FSTL5: variants seen among roughly 807,000 people sequenced by gnomAD.
The protein encoded by FSTL5 is follistatin-related protein 5.
Under a neutral mutation model 89.1 loss-of-function variants are expected in FSTL5, and 62 were observed. The observed-to-expected ratio is 0.70, with a 90% CI of 0.57 to 0.86. The LOEUF is 0.86. FSTL5 is among the 40% of genes least tolerant of loss of function. FSTL5 has a pLI of 0.00. For synonymous variants in FSTL5, 383 were observed against 346.2 expected, an observed-to-expected ratio of 1.11 and a Z score of -1.18; for missense variants, 1,057 against 1,001.6, an observed-to-expected ratio of 1.06 and a Z score of -0.75.
At chr4:162,068,188 T>C (rs934992154) in intron 2 of FSTL5, among the ~76,000 whole-genome samples, 90 of 152,204 alleles carry the variant, frequency 5.9e-4, no homozygotes, top group African/African-American at 2.1e-3. Flanking sequence ...CTTCACAGAA[T>C]TAGAAAAAAC....
intron 15 of FSTL5, among the ~76,000 whole-genome samples, chr4:161,417,958 A>G (rs1216271686): frequency 6.6e-6 from 1 of 152,184 alleles, no homozygotes; most frequent in East Asian, 1.9e-4. Context: ...AGGTCCTTCA[A>G]CAAGGTTGTT....
In FSTL5 at chr4:161,538,165, C is replaced by T. The variant is rs1731696719; in HGVS notation, c.1312+1G>A. The T allele has an allele frequency of 1.2e-6, 2 of 1,613,742 alleles. No homozygotes were observed. The highest frequency in any genetic ancestry group is 1.7e-6 in the Non-Finnish European group (2 of 1,179,834). Reference sequence around the variant, plus strand: ...GTGCTGTTGGGTGGTTCTATACATACGGGTCTTTCTAGCAGAGTCTTCCAC... The same window carrying T: ...GTGCTGTTGGGTGGTTCTATACATATGGGTCTTTCTAGCAGAGTCTTCCAC... On this transcript the variant is annotated splice_donor_variant, in intron 10 of 15. Transcript: ENST00000306100. LOFTEE classifies it high-confidence loss of function.
In FSTL5 at chr4:162,145,872, G is replaced by T. The variant is rs1277700226; in HGVS notation, c.-17+17743C>A. ...ATGATGATTCTCCAAGGCCAGTGGA[G>T]AGACTATTTTGAATTTCCTAAACTT... On this transcript the variant is annotated intron_variant, in intron 1 of 15. Coordinates refer to ENST00000306100, the MANE Select transcript of FSTL5 (RefSeq NM_020116.5). 4.3e-4 allele frequency among the ~76,000 whole-genome samples: 66 copies of T among 152,160 alleles called. 1 individual carries two copies. The highest frequency in any genetic ancestry group is 4.3e-3 in the Admixed American group (66 of 15,282).
rs574226633 is a variant in FSTL5, at chr4:161,681,700, AT to A, written c.728-25207del. ...ATATAATCCAATAGGGTATATGCTT[AT>A]AACTATATTTTCCCCTCATATTATC... On this transcript the variant is annotated intron_variant, in intron 6 of 15. Coordinates refer to ENST00000306100, the MANE Select transcript of FSTL5 (RefSeq NM_020116.5). 2.0e-3 allele frequency among the ~76,000 whole-genome samples: 303 copies of A among 152,296 alleles called. 1 individual carries two copies. The highest frequency in any genetic ancestry group is 7.0e-3 in the African/African-American group (289 of 41,580).
chr4:161,792,775 CT>C (rs1422085531), intron 4 of FSTL5, among the ~76,000 whole-genome samples: 1 of 152,176 alleles, frequency 6.6e-6, no homozygotes, highest in African/African-American at 2.4e-5. Context: ...AAACTCCTCT[CT>C]GCCTTGCTTA....
At chr4:162,076,699 C>T (rs1403966728) in intron 2 of FSTL5, among the ~76,000 whole-genome samples, 1 of 151,722 alleles carries the variant, frequency 6.6e-6, no homozygotes, top group African/African-American at 2.4e-5. Context: ...GCAATGGCTG[C>T]TTCAATCGGC....
intron 12 of FSTL5, among the ~76,000 whole-genome samples, chr4:161,486,684 C>T (rs908987864): frequency 1.3e-5 from 2 of 152,124 alleles, no homozygotes; most frequent in Non-Finnish European, 2.9e-5. Context: ...TCTCTCTGCT[C>T]CTTCCTGCCA....
intron 15 of FSTL5, among the ~76,000 whole-genome samples, chr4:161,417,763 T>C (rs1731838550): frequency 1.3e-5 from 2 of 152,194 alleles, no homozygotes; most frequent in African/African-American, 2.4e-5. Context: ...TAGAACAGCA[T>C]CTTGCACATA....
intron 7 of FSTL5, among the ~76,000 whole-genome samples, chr4:161,600,158 A>AACACACACACACAC (rs71598717): frequency 0.012 from 1,755 of 142,018 alleles, 30 homozygotes; most frequent in Admixed American, 0.027. Flanking sequence ...AATGTCAATA[A>AACACACACACACAC]ACACACACAC....
At chr4:161,848,036 CAAAAA>C (rs139315536) in intron 4 of FSTL5, among the ~76,000 whole-genome samples, 1 of 48,202 alleles carries the variant, frequency 2.1e-5, no homozygotes, top group South Asian at 1.4e-3. Context: ...GACTCCGTCT[CAAAAA>C]AAAAAAAAAA....
chr4:161,556,846 G>GTC (rs1553997286), intron 8 of FSTL5, among the ~76,000 whole-genome samples: 5 of 142,670 alleles, frequency 3.5e-5, no homozygotes, highest in African/African-American at 1.2e-4. Context: ...GTGTGTGTGT[G>GTC]TATATATATA....
At chr4:162,082,114 C>A (rs1181871206) in intron 2 of FSTL5, among the ~76,000 whole-genome samples, 4 of 151,660 alleles carry the variant, frequency 2.6e-5, no homozygotes, top group African/African-American at 9.7e-5. Flanking sequence ...AGACAGATAA[C>A]ACTCAGCTGT....
At chr4:161,455,425 ATCT>A (rs1560903439) in intron 14 of FSTL5, among the ~76,000 whole-genome samples, 1 of 152,144 alleles carries the variant, frequency 6.6e-6, no homozygotes, top group Non-Finnish European at 1.5e-5. Context: ...AAAAATCCTA[ATCT>A]TCTTACAAAG....
At chr4:161,434,196 A>G (rs2126348486) in intron 15 of FSTL5, among the ~76,000 whole-genome samples, 1 of 152,280 alleles carries the variant, frequency 6.6e-6, no homozygotes, top group Admixed American at 6.5e-5. Flanking sequence ...TACTGGCATA[A>G]AACAGACACA....
intron 15 of FSTL5, among the ~76,000 whole-genome samples, chr4:161,437,305 G>T (rs940161287): frequency 6.6e-6 from 1 of 152,010 alleles, no homozygotes; most frequent in Non-Finnish European, 1.5e-5. Flanking sequence ...AGTGGCTCAC[G>T]CCTGTAATCC....
chr4:161,756,364 C>T (rs1740570125), intron 6 of FSTL5, among the ~76,000 whole-genome samples: 6 of 151,842 alleles, frequency 4.0e-5, no homozygotes, highest in Admixed American at 3.3e-4. Flanking sequence ...ATAAATTTGA[C>T]CTAATGGCAG....
In FSTL5 at chr4:161,384,287, A is replaced by C. The variant is rs544377160; in HGVS notation, c.*1460T>G. On this transcript the variant is annotated 3_prime_UTR_variant, in exon 16 of 16. Coordinates refer to ENST00000306100, the MANE Select transcript of FSTL5 (RefSeq NM_020116.5). ...AAAAAAGACCTTATTGGATTACCTT[A>C]AGTAAATGGAGGTCATTTCAACAGC... The C allele has an allele frequency of 6.6e-6, 1 of 152,270 alleles. No homozygotes were observed. Among genetic ancestry groups the C allele is most frequent in the African/African-American group, 2.4e-5 (1 of 41,586 alleles). The allele number at this position is 152,270 out of a possible 1,614,324, so 9.4% of individuals were successfully genotyped here.
At chr4:161,638,525 G>T (rs1735818524) in intron 7 of FSTL5, among the ~76,000 whole-genome samples, 1 of 151,848 alleles carries the variant, frequency 6.6e-6, no homozygotes, top group Non-Finnish European at 1.5e-5. Flanking sequence ...CAACCAAAAA[G>T]AGTCCAGGAC....
intron 7 of FSTL5, among the ~76,000 whole-genome samples, chr4:161,631,911 T>G (rs1249058683): frequency 1.3e-5 from 2 of 152,198 alleles, no homozygotes; most frequent in African/African-American, 2.4e-5. Context: ...ATGTGGGAAC[T>G]CAGGTAAAGC....
Sources: allele counts gnomAD v4.1 joint callset (sites outside exome capture counted in the v4.1 genomes callset), GRCh38; gene constraint gnomAD v4.1.1; transcripts MANE v1.5; gene names NCBI Gene and HGNC (gene_info 2026-07-23, HGNC 2026-07-21).